Variants in WIPF3 observed in about 807,000 individuals in gnomAD.
WIPF3 encodes WAS/WASL-interacting protein family member 3.
In WIPF3, 33 loss-of-function variants were observed where a neutral mutation model predicts 38.9. That is an observed-to-expected ratio of 0.85 (90% CI 0.64 to 1.14). WIPF3 has a LOEUF of 1.14. Ranked by LOEUF, WIPF3 falls within the 50% of genes most tolerant of loss-of-function variation. The pLI is 0.00. For missense variants in WIPF3, 711 were observed against 652.5 expected, an observed-to-expected ratio of 1.09 and a Z score of -0.98; for synonymous variants, 324 against 269.3, an observed-to-expected ratio of 1.20 and a Z score of -1.99.
rs556516332 is a variant in WIPF3 at position 29,916,712 on chromosome 7, CAA to C, written c.*2207_*2208del. The C allele has an allele frequency of 6.7e-5, 9 of 133,898 alleles. No individual in the cohort carries two copies. Among genetic ancestry groups the C allele is most frequent in the East Asian group, 2.2e-4 (1 of 4,546 alleles). 8.3% of individuals were successfully genotyped at this position (133,898 alleles called of 1,614,324 possible). On this transcript the variant is annotated 3_prime_UTR_variant, in exon 9 of 9. Transcript: ENST00000242140. ...TGGGCAACAGAGCGAGACCCTAACT[CAA>C]AAAAAAAAAAGGACAGAGGGGAGGA...
intron 8 of WIPF3, chr7:29,904,679 T>G (rs1786357328): frequency 3.2e-6 from 1 of 311,472 alleles, no homozygotes. Context: ...TGAGAAAAAC[T>G]GAATAACATG....
intron 1 of WIPF3, among the ~76,000 whole-genome samples, chr7:29,810,004 A>G (rs1784345715): frequency 6.6e-6 from 1 of 152,174 alleles, no homozygotes; most frequent in Non-Finnish European, 1.5e-5. Context: ...GGCAGTAGCC[A>G]GTCTCAGTGC....
At chr7:29,864,547 G>A (rs369627489) in intron 2 of WIPF3, among the ~76,000 whole-genome samples, 1 of 152,202 alleles carries the variant, frequency 6.6e-6, no homozygotes, top group Non-Finnish European at 1.5e-5. Flanking sequence ...TTAGGGTTAT[G>A]AAGTACAAAT....
rs2128075760 is a variant in WIPF3 at position 29,884,152 on chromosome 7, C to T, written c.658C>T (p.Pro220Ser). Residue 220 changes from proline to serine, a missense_variant, in exon 5 of 9, where the codon CCC becomes TCC. Coordinates refer to ENST00000242140, the MANE Select transcript of WIPF3 (RefSeq NM_001080529.3). ...GNLPVVAPPV[P>S]CAPPPPPPPP... ...CCTCCCGGTGGTTGCACCCCCCGTCCCCTGTGCGCCACCACCTCCACCTCC... is the reference window on the plus strand; with the variant it reads ...CCTCCCGGTGGTTGCACCCCCCGTCTCCTGTGCGCCACCACCTCCACCTCC... 1 of 1,531,976 alleles carries T rather than the reference C, an allele frequency of 6.5e-7. No individual in the cohort carries two copies. The highest frequency in any genetic ancestry group is 2.5e-5 in the East Asian group (1 of 40,498). The allele number at this position is 1,531,976 out of a possible 1,614,324, so 94.9% of individuals were successfully genotyped here. A position where few individuals can be genotyped will look rare whatever the true frequency, so the allele number is the denominator to read the frequency against.
chr7:29,902,606 G>C (rs1046575730), intron 7 of WIPF3, among the ~76,000 whole-genome samples: 10 of 152,178 alleles, frequency 6.6e-5, no homozygotes, highest in African/African-American at 2.4e-4. Context: ...GGGAGGCCAA[G>C]GTGGGAGGAT....
chr7:29,806,735 T>C (rs951971467), intron 1 of WIPF3, 57 bp downstream of exon 1: 5 of 151,300 alleles, frequency 3.3e-5, no homozygotes, highest in African/African-American at 1.2e-4. Flanking sequence ...GAACGGGCGG[T>C]GTGGCGGCCG....
chr7:29,824,336 A>G (rs1226424126), intron 1 of WIPF3, among the ~76,000 whole-genome samples: 2 of 152,160 alleles, frequency 1.3e-5, no homozygotes, highest in South Asian at 4.1e-4. Flanking sequence ...AATGAAAAAG[A>G]AGAAGAAAAT....
At chr7:29,869,194 A>G (rs1340255610) in intron 2 of WIPF3, among the ~76,000 whole-genome samples, 1 of 151,570 alleles carries the variant, frequency 6.6e-6, no homozygotes, top group Non-Finnish European at 1.5e-5. Context: ...ACACCTGGCT[A>G]ATTTTGTATT....
intron 1 of WIPF3, among the ~76,000 whole-genome samples, chr7:29,819,794 A>G (rs1479965062): frequency 1.3e-5 from 2 of 152,042 alleles, no homozygotes; most frequent in Non-Finnish European, 2.9e-5. Flanking sequence ...AAAGTTTAAA[A>G]GTTTCTAAGT....
chr7:29,876,014 T>G (rs182120819), intron 3 of WIPF3, 52 bp downstream of exon 3: 1 of 1,597,940 alleles, frequency 6.3e-7, no homozygotes, highest in Non-Finnish European at 8.6e-7. Context: ...AGGACAGGCA[T>G]GTGAGGCACA....
chr7:29,851,713 C>A (rs1235906958), intron 2 of WIPF3, among the ~76,000 whole-genome samples: 1 of 152,224 alleles, frequency 6.6e-6, no homozygotes, highest in Non-Finnish European at 1.5e-5. Flanking sequence ...AGCTGCATGG[C>A]CGCATGCTGG....
rs11385420 is a variant in WIPF3, at chr7:29,830,101, G to GAA, written c.-57-4558_-57-4557dup. ...GATAATTGCTTAATTATTGTATCTG[G>GAA]AAAAAAAAAAGCCTTTCACAGCCAT... is the stretch of plus-strand genomic sequence containing the variant. On this transcript the variant is annotated intron_variant, in intron 1 of 8. Transcript: ENST00000242140. Among the ~76,000 whole-genome samples the GAA allele has an allele frequency of 1.5e-3, 218 of 147,534 alleles. 2 individuals are homozygous for GAA. The Middle Eastern group carries it at 0.017, about 12-fold the overall frequency.
rs560575794 is a variant in WIPF3, at chr7:29,854,841, C to T, written c.90+20027C>T. 1.6e-4 allele frequency among the ~76,000 whole-genome samples: 25 copies of T among 152,308 alleles called. No homozygotes were observed. The South Asian group carries it at 3.5e-3, about 21-fold the overall frequency. On this transcript the variant is annotated intron_variant, in intron 2 of 8. Coordinates refer to ENST00000242140, the MANE Select transcript of WIPF3 (RefSeq NM_001080529.3). ...AAGGTAATTAAGATAAAGTGAAGTG[C>T]TAGTGCTTCACTTCCCATGTGAATA...
chr7:29,910,008 A>C (rs1786475836), intron 8 of WIPF3, among the ~76,000 whole-genome samples: 1 of 152,150 alleles, frequency 6.6e-6, no homozygotes, highest in African/African-American at 2.4e-5. Flanking sequence ...AATAAGACCT[A>C]CTATTTGATA....
chr7:29,894,795 C>CA (rs1156662701), intron 7 of WIPF3, among the ~76,000 whole-genome samples: 1 of 151,762 alleles, frequency 6.6e-6, no homozygotes, highest in East Asian at 1.9e-4. Context: ...ACACGACACA[C>CA]ACACGAGCAC....
At chr7:29,861,490 T>G (rs1785274217) in intron 2 of WIPF3, among the ~76,000 whole-genome samples, 1 of 152,242 alleles carries the variant, frequency 6.6e-6, no homozygotes, top group Non-Finnish European at 1.5e-5. Context: ...CCTTCCTGCC[T>G]CCTTTCCTTT....
intron 2 of WIPF3, among the ~76,000 whole-genome samples, chr7:29,839,185 C>T (rs1784876028): frequency 1.3e-5 from 2 of 152,152 alleles, no homozygotes. Flanking sequence ...CATACAGTAT[C>T]ACTTTATAGA....
chr7:29,902,274 C>CTT lies in WIPF3; in HGVS notation c.1352-1997_1352-1996dup, dbSNP rs11407234. 1.2e-4 allele frequency among the ~76,000 whole-genome samples: 12 copies of CTT among 104,112 alleles called. 1 individual carries two copies. The highest frequency in any genetic ancestry group is 4.3e-4 in the African/African-American group (11 of 25,570). 68.3% of individuals were successfully genotyped at this position (104,112 alleles called of 152,430 possible). A position where few individuals can be genotyped will look rare whatever the true frequency, so the allele number is the denominator to read the frequency against. On this transcript the variant is annotated intron_variant, in intron 7 of 8. Coordinates refer to ENST00000242140, the MANE Select transcript of WIPF3 (RefSeq NM_001080529.3). The stretch of plus-strand genomic sequence containing the variant: ...TTAGTGTTTTCTTCTTCTTCTTCTT[C>CTT]TTTTTTTTTTTTTTTTACTTTTTGC...
rs1375473401 is a variant in WIPF3, at chr7:29,888,168, G to A, written c.1200G>A (p.Pro400=). The part of the protein sequence containing the change: ...SKSQQATAWT[P]TQQPGGQLRN... ...GCCAGCAGGCCACAGCCTGGACCCC[G>A]ACGCAGCAGCCTGGAGGTCAACTGC... is the stretch of plus-strand genomic sequence containing the variant. Residue 400 remains proline (P), a synonymous_variant, in exon 6 of 9, where the codon CCG becomes CCA. Transcript: ENST00000242140. The A allele has an allele frequency of 3.7e-6, 6 of 1,613,192 alleles. No individual in the cohort carries two copies. Among genetic ancestry groups the A allele is most frequent in the Admixed American group, 1.7e-5 (1 of 59,882 alleles).
Sources: allele counts gnomAD v4.1 joint callset (sites outside exome capture counted in the v4.1 genomes callset), GRCh38; gene constraint gnomAD v4.1.1; transcripts MANE v1.5; gene names NCBI Gene and HGNC (gene_info 2026-07-23, HGNC 2026-07-21).